USP42: variants seen among roughly 807,000 people sequenced by gnomAD.
The protein encoded by USP42 is ubiquitin specific peptidase 42.
A neutral mutation model predicts 113.0 loss-of-function variants in USP42; 23 were observed. The observed-to-expected ratio is 0.20, with a 90% confidence interval of 0.15 to 0.29. USP42 has a LOEUF of 0.29. Among genes scored for constraint, USP42 ranks in the 10% least tolerant of loss-of-function variants. The probability of loss-of-function intolerance (pLI) is 1.00; values close to 1 mark genes in which losing one functional copy is unlikely to be tolerated. For missense variants in USP42, 2,174 were observed against 1,779.8 expected (o/e 1.22, Z -3.99); for synonymous variants, 933 against 699.0 (o/e 1.33, Z -5.28).
intron 3 of USP42, among the ~76,000 whole-genome samples, chr7:6,122,497 G>C (rs781615365): frequency 1.3e-5 from 2 of 152,014 alleles, no homozygotes; most frequent in Middle Eastern, 6.8e-3. Flanking sequence ...TTGAGACAGA[G>C]TCTTGCTCTG....
At chr7:6,144,785 G>A (rs766826734) in intron 9 of USP42, among the ~76,000 whole-genome samples, 6 of 150,908 alleles carry the variant, frequency 4.0e-5, no homozygotes, top group East Asian at 2.0e-4. Flanking sequence ...CAGGAGAATC[G>A]CTTGAACCTA....
chr7:6,154,361 C>T lies in USP42; in HGVS notation c.2807C>T (p.Ser936Phe), dbSNP rs745569983. 8 of 1,574,530 alleles carry T rather than the reference C, an allele frequency of 5.1e-6. No homozygotes were observed. The Admixed American group carries it at 1.1e-4, about 22-fold the overall frequency. ...DAAAPKAPGP[S>F]PAKEKIGSLR... ...GCGGCGCCGAAAGCCCCAGGCCCTT[C>T]CCCAGCGAAGGAGAAAATCGGCAGC... The change falls in exon 15 of 18, where the codon TCC (serine) becomes TTC (phenylalanine). Residue 936 changes from serine (S) to phenylalanine (F), a missense_variant. Ser to Phe is a radical substitution (Grantham distance 155). Transcript: ENST00000306177.
the USP42 span, among the ~76,000 whole-genome samples, chr7:6,082,396 G>A: frequency 6.6e-6 from 1 of 151,432 alleles, no homozygotes; most frequent in Admixed American, 6.6e-5. Context: ...CCGAAGTGCT[G>A]GGATTACAGG....
Position 6,139,943 on chromosome 7 carries a change from A to C in USP42, c.657-185A>C, listed in dbSNP as rs1484523420. 1.6e-6 allele frequency: 1 copy of C among 631,058 alleles called. No homozygotes were observed. The highest frequency in any genetic ancestry group is 2.8e-5 in the East Asian group (1 of 36,150). 39.1% of individuals were successfully genotyped at this position (631,058 alleles called of 1,614,324 possible). A position where few individuals can be genotyped will look rare whatever the true frequency, so the allele number is the denominator to read the frequency against. ...CTGCGTCTCCTCCCGCCACTCCCAG[A>C]CCTCCCTGTGTTCTGGCCAGGAAGG... On this transcript the variant is annotated intron_variant, in intron 5 of 17. Coordinates refer to ENST00000306177, the MANE Select transcript of USP42 (RefSeq NM_032172.3). This position sits in a 1 kb window ranked among gnomAD's most constrained non-coding sequence, Gnocchi z 4.5.
chr7:6,113,468 A>G (rs1164561101), intron 2 of USP42, among the ~76,000 whole-genome samples: 1 of 151,774 alleles, frequency 6.6e-6, no homozygotes. Context: ...CTCTCATCTC[A>G]TTCTCCACAG....
chr7:6,124,960 C>A (rs993772078), intron 3 of USP42, among the ~76,000 whole-genome samples: 1 of 151,912 alleles, frequency 6.6e-6, no homozygotes, highest in African/African-American at 2.4e-5. Context: ...GTGGGCAGAT[C>A]ACTTGTGGTC....
chr7:6,152,341 A>G (rs1049193754), intron 14 of USP42, among the ~76,000 whole-genome samples: 6 of 152,196 alleles, frequency 3.9e-5, no homozygotes, highest in African/African-American at 1.4e-4. Context: ...GCGACTCTAG[A>G]TTTATATACT....
chr7:6,124,278 C>CT (rs997707080), intron 3 of USP42, among the ~76,000 whole-genome samples: 1 of 151,000 alleles, frequency 6.6e-6, no homozygotes, highest in African/African-American at 2.4e-5. Context: ...TCCCTTTTTT[C>CT]TTTTTTTGAG....
intron 3 of USP42, among the ~76,000 whole-genome samples, chr7:6,135,055 G>T (rs1269163950): frequency 2.6e-5 from 4 of 152,178 alleles, no homozygotes; most frequent in Admixed American, 6.5e-5. Flanking sequence ...TTCCCAGAGT[G>T]CTGAGATGAT....
intron 4 of USP42, 50 bp downstream of exon 4, chr7:6,136,001 A>AAT: frequency 4.0e-5 from 37 of 917,074 alleles, no homozygotes; most frequent in Non-Finnish European, 5.0e-5. Flanking sequence ...ACCTAGTTAT[A>AAT]CTTTTTTTTT....
At chr7:6,098,097 G>A in the USP42 span, among the ~76,000 whole-genome samples, 1 of 147,518 alleles carries the variant, frequency 6.8e-6, no homozygotes, top group East Asian at 1.9e-4. Context: ...GTAGAGACGG[G>A]TTTCACCATG....
intron 4 of USP42, 123 bp downstream of exon 4, chr7:6,136,074 G>A (rs1026911846): frequency 2.4e-5 from 14 of 582,020 alleles, no homozygotes; most frequent in South Asian, 8.9e-5. Context: ...GCGCTATTTC[G>A]GCTCACTGCA....
the USP42 span, among the ~76,000 whole-genome samples, chr7:6,083,639 G>A: frequency 6.7e-6 from 1 of 150,082 alleles, no homozygotes; most frequent in African/African-American, 2.5e-5. Context: ...TGTAACACCA[G>A]AATATATAAG....
intron 3 of USP42, among the ~76,000 whole-genome samples, chr7:6,125,215 G>C (rs1312903979): frequency 1.4e-5 from 2 of 144,214 alleles, no homozygotes; most frequent in African/African-American, 5.2e-5. Flanking sequence ...CAGGCAGGAT[G>C]CAGTGGCTCA....
Position 6,154,257 on chromosome 7 carries a change from T to C in USP42, c.2703T>C (p.Ala901=). The stretch of plus-strand genomic sequence containing the variant: ...CCGAGGCCGCAGAGCGGCCGCCAGC[T>C]CCTGTGCTGGACATGGCCCCGGCCG... ...GAPEAAERPP[A]PVLDMAPAGH... is the part of the protein sequence containing the mutation. The change falls in exon 15 of 18, where the codon GCT becomes GCC. Residue 901 remains alanine, a synonymous_variant. Transcript: ENST00000306177. The C allele has an allele frequency of 1.2e-6, 2 of 1,604,620 alleles. No homozygotes were observed. Among genetic ancestry groups the C allele is most frequent in the Non-Finnish European group, 1.7e-6 (2 of 1,176,950 alleles).
chr7:6,124,016 C>G (rs1485167616), intron 3 of USP42, among the ~76,000 whole-genome samples: 1 of 152,094 alleles, frequency 6.6e-6, no homozygotes, highest in Non-Finnish European at 1.5e-5. Context: ...GCTGGGATTA[C>G]AGACATGCGC....
At chr7:6,132,862 C>T (rs1406954145) in intron 3 of USP42, among the ~76,000 whole-genome samples, 15 of 152,042 alleles carry the variant, frequency 9.9e-5, no homozygotes, top group African/African-American at 2.4e-4. Context: ...TTAGTAGAGA[C>T]GGGGTTTCAC....
the USP42 span, among the ~76,000 whole-genome samples, chr7:6,082,419 C>T: frequency 6.6e-6 from 1 of 151,128 alleles, no homozygotes; most frequent in African/African-American, 2.5e-5. Context: ...TGAGCCACCG[C>T]GCCCGGCCCG....
At chr7:6,111,482 G>C (rs1779593923) in intron 2 of USP42, 108 bp downstream of exon 2, 18 of 1,332,024 alleles carry the variant, frequency 1.4e-5, no homozygotes, top group Non-Finnish European at 1.7e-5. Context: ...GAGGCCACCT[G>C]AGTGGCCAGC....
Sources: gnomAD v4.1 joint callset for allele counts (sites outside exome capture counted in the v4.1 genomes callset) on GRCh38, gnomAD v4.1.1 for gene constraint, Gnocchi (gnomAD v3.1) non-coding constraint, MANE v1.5 for transcripts, NCBI Gene and HGNC (gene_info 2026-07-23, HGNC 2026-07-21) for gene names.